Variants in CFAP77 observed in about 807,000 individuals in gnomAD.
CFAP77 encodes cilia and flagella associated protein 77.
Under a neutral mutation model 31.1 loss-of-function variants are expected in CFAP77, and 25 were observed. That is an observed-to-expected ratio of 0.80 (90% CI 0.59 to 1.12). CFAP77 has a LOEUF of 1.12. CFAP77 is among the 50% of genes most tolerant of loss of function. CFAP77 has a pLI of 0.00. For missense variants in CFAP77, 377 were observed against 397.3 expected (o/e 0.95, Z 0.44); for synonymous variants, 151 against 159.9 (o/e 0.94, Z 0.42).
rs913748825 is a variant in CFAP77, at chr9:132,572,861, C to G, written c.*351C>G. On this transcript the variant is annotated 3_prime_UTR_variant, in exon 6 of 6. Transcript: ENST00000393216. ...TCCAGGCTAAGGGTCGATTCCATGGCTCTGCCCATTAAGTGTTAAGAACGA... is the reference window on the plus strand; with the variant it reads ...TCCAGGCTAAGGGTCGATTCCATGGGTCTGCCCATTAAGTGTTAAGAACGA... The G allele has an allele frequency of 1.3e-5, 4 of 297,700 alleles. No individual in the cohort carries two copies. Among genetic ancestry groups the G allele is most frequent in the Admixed American group, 5.0e-5 (1 of 20,154 alleles). The allele number at this position is 297,700 out of a possible 1,614,324, so 18.4% of individuals were successfully genotyped here. A position where few individuals can be genotyped will look rare whatever the true frequency, so the allele number is the denominator to read the frequency against.
At chr9:132,559,563 C>T (rs922333407) in intron 5 of CFAP77, among the ~76,000 whole-genome samples, 1 of 152,060 alleles carries the variant, frequency 6.6e-6, no homozygotes, top group African/African-American at 2.4e-5. Flanking sequence ...GAAATTGGAA[C>T]ACCCATACGT....
intron 3 of CFAP77, among the ~76,000 whole-genome samples, chr9:132,504,793 TCCAC>T (rs71953876): frequency 0.37 from 55,587 of 151,702 alleles, 10,399 homozygotes; most frequent in African/African-American, 0.44. Context: ...GTGGAAAGCC[TCCAC>T]CCACCTTGCA....
At chr9:132,443,240 TTTTTTGTTTTA>T (rs1358049896) in intron 1 of CFAP77, among the ~76,000 whole-genome samples, 3 of 152,116 alleles carry the variant, frequency 2.0e-5, no homozygotes, top group Non-Finnish European at 2.9e-5. Context: ...AAAAAGTTTT[TTTTTTGTTTTA>T]TTTTTGTTTT....
chr9:132,499,840 C>T lies in CFAP77; in HGVS notation c.524+240C>T, dbSNP rs1398098770. Among the ~76,000 whole-genome samples, 1 of 152,170 alleles carries T rather than the reference C, an allele frequency of 6.6e-6. No individual in the cohort carries two copies. ...CACAGGTCACCCACTTTCCCTTGAT[C>T]AACAAACAGTGATTGAGACCTGTCC... On this transcript the variant is annotated intron_variant, in intron 3 of 5. Coordinates refer to ENST00000393216, the MANE Select transcript of CFAP77 (RefSeq NM_001282957.2). This position sits in a 1 kb window ranked among gnomAD's most constrained non-coding sequence, Gnocchi z 5.4.
intron 5 of CFAP77, among the ~76,000 whole-genome samples, chr9:132,571,697 T>C (rs887654517): frequency 6.6e-6 from 1 of 152,008 alleles, no homozygotes; most frequent in African/African-American, 2.4e-5. Context: ...GGCAGGAGGA[T>C]GTTGTGCTGT....
chr9:132,554,902 A>G lies in CFAP77; in HGVS notation c.732+11855A>G, dbSNP rs150270487. On this transcript the variant is annotated intron_variant, in intron 5 of 5. Coordinates refer to ENST00000393216, the MANE Select transcript of CFAP77 (RefSeq NM_001282957.2). This position sits in a 1 kb window ranked among gnomAD's most constrained non-coding sequence, Gnocchi z 4.1. ...CATCTATCCAACCATCTATCTATCC[A>G]TCCATCTATGCATGCATGCATGCAT... is the stretch of plus-strand genomic sequence containing the variant. Among the ~76,000 whole-genome samples, 80 of 147,832 alleles carry G rather than the reference A, an allele frequency of 5.4e-4. No individual in the cohort carries two copies. Among genetic ancestry groups the G allele is most frequent in the African/African-American group, 1.9e-3 (75 of 39,970 alleles).
rs796570075 is a variant in CFAP77 at position 132,504,071 on chromosome 9, G to A, written c.524+4471G>A. On this transcript the variant is annotated intron_variant, in intron 3 of 5. Transcript: ENST00000393216. ...AGAAAAGAAAAGATTAGAACACAAAGGACACTTGTGATCACCTGGTTCAAA... is the reference window on the plus strand; with the variant it reads ...AGAAAAGAAAAGATTAGAACACAAAAGACACTTGTGATCACCTGGTTCAAA... 2.0e-5 allele frequency among the ~76,000 whole-genome samples: 3 copies of A among 152,100 alleles called. No individual in the cohort carries two copies. In the South Asian group the frequency reaches 6.2e-4, roughly 32 times the overall value.
intron 1 of CFAP77, among the ~76,000 whole-genome samples, chr9:132,439,710 G>A (rs374579785): frequency 9.9e-5 from 15 of 152,158 alleles, no homozygotes; most frequent in Admixed American, 3.3e-4. Flanking sequence ...TTAGCCGGGC[G>A]TGGTGGCGGG....
rs1850588373 is a variant in CFAP77, at chr9:132,439,942, C to T, written c.195+29476C>T. On this transcript the variant is annotated intron_variant, in intron 1 of 5. Transcript: ENST00000393216. ...GATCCTATGGTGCGGTGATGTAGATCACCACTCAGGGAGGAATGGAGGATA... is the reference window on the plus strand; with the variant it reads ...GATCCTATGGTGCGGTGATGTAGATTACCACTCAGGGAGGAATGGAGGATA... Among the ~76,000 whole-genome samples the T allele has an allele frequency of 2.6e-5, 4 of 151,566 alleles. No homozygotes were observed. In the South Asian group the frequency reaches 8.4e-4, roughly 32 times the overall value.
chr9:132,456,756 T>A (rs992465198), intron 1 of CFAP77, among the ~76,000 whole-genome samples: 33 of 149,342 alleles, frequency 2.2e-4, no homozygotes, highest in African/African-American at 7.1e-4. Flanking sequence ...TAAAAAAAAT[T>A]TTTTTTTTTT....
chr9:132,520,793 C>G (rs1164631010), intron 3 of CFAP77, among the ~76,000 whole-genome samples: 1 of 152,154 alleles, frequency 6.6e-6, no homozygotes, highest in African/African-American at 2.4e-5. Context: ...TGCCCCCTGG[C>G]CCAGGAGCCC....
chr9:132,504,781 G>A (rs573597854), intron 3 of CFAP77, among the ~76,000 whole-genome samples: 7 of 133,346 alleles, frequency 5.2e-5, no homozygotes, highest in African/African-American at 2.1e-4. Context: ...TGCCCAACCT[G>A]CGTGGAAAGC....
chr9:132,542,425 C>T (rs1292003136), intron 4 of CFAP77, among the ~76,000 whole-genome samples: 1 of 152,204 alleles, frequency 6.6e-6, no homozygotes, highest in Non-Finnish European at 1.5e-5. Flanking sequence ...AGAGGGGCTT[C>T]CACTGTGTCT....
At chr9:132,556,932 T>C (rs944815) in intron 5 of CFAP77, among the ~76,000 whole-genome samples, 4,494 of 152,260 alleles carry the variant, frequency 0.03, 93 homozygotes, top group Middle Eastern at 0.088. Context: ...CGCGTCTCCT[T>C]CGCCACGCCA....
At chr9:132,550,960 C>A (rs1852812000) in intron 5 of CFAP77, among the ~76,000 whole-genome samples, 1 of 152,106 alleles carries the variant, frequency 6.6e-6, no homozygotes, top group Non-Finnish European at 1.5e-5. Flanking sequence ...ACAAACACAG[C>A]CTGACTGGCT....
chr9:132,534,424 A>C (rs1354465576), intron 3 of CFAP77, among the ~76,000 whole-genome samples: 1 of 151,982 alleles, frequency 6.6e-6, no homozygotes, highest in Non-Finnish European at 1.5e-5. Context: ...CATCCTGGCT[A>C]ACATGGTGAA....
At chr9:132,532,824 G>A (rs1379245103) in intron 3 of CFAP77, among the ~76,000 whole-genome samples, 2 of 152,178 alleles carry the variant, frequency 1.3e-5, no homozygotes, top group Non-Finnish European at 2.9e-5. Context: ...AGAGGCAGGA[G>A]GATCACTTGA....
intron 1 of CFAP77, among the ~76,000 whole-genome samples, chr9:132,492,450 A>C (rs1851667564): frequency 6.6e-6 from 1 of 152,036 alleles, no homozygotes; most frequent in Admixed American, 6.5e-5. Flanking sequence ...GCCAAACCCC[A>C]CCTGCAGAGA....
At chr9:132,560,350 A>AT (rs1852974341) in intron 5 of CFAP77, among the ~76,000 whole-genome samples, 1 of 152,090 alleles carries the variant, frequency 6.6e-6, no homozygotes, top group Non-Finnish European at 1.5e-5. Flanking sequence ...CCTGCAGCCT[A>AT]TTGAGCTTAC....
Sources: allele counts gnomAD v4.1 joint callset (sites outside exome capture counted in the v4.1 genomes callset), GRCh38; gene constraint gnomAD v4.1.1; non-coding constraint Gnocchi (gnomAD v3.1); transcripts MANE v1.5; gene names NCBI Gene and HGNC (gene_info 2026-07-23, HGNC 2026-07-21).